SEMA3D: variants seen among roughly 807,000 people sequenced by gnomAD.
SEMA3D encodes the protein semaphorin 3D, also known as semaphorin-3D.
A neutral mutation model predicts 100.1 loss-of-function variants in SEMA3D; 84 were observed. That is an observed-to-expected ratio of 0.84 (90% CI 0.70 to 1.01). SEMA3D has a LOEUF of 1.01. SEMA3D is among the 50% of genes least tolerant of loss of function. The probability of loss-of-function intolerance (pLI) is 0.00; values close to 1 mark genes in which losing one functional copy is unlikely to be tolerated. For synonymous variants in SEMA3D, 312 were observed against 320.7 expected (o/e 0.97, Z 0.29); for missense variants, 875 against 934.1 (o/e 0.94, Z 0.82).
At chr7:85,060,356 C>T (rs534175327) in intron 8 of SEMA3D, among the ~76,000 whole-genome samples, 27 of 152,166 alleles carry the variant, frequency 1.8e-4, no homozygotes, top group Non-Finnish European at 3.1e-4. Context: ...TGTTGAGGTC[C>T]GGTCTTAGAA....
chr7:85,077,477 T>A (rs1485656344), intron 5 of SEMA3D, among the ~76,000 whole-genome samples: 1 of 151,824 alleles, frequency 6.6e-6, no homozygotes, highest in African/African-American at 2.4e-5. Flanking sequence ...AGTCTGTAAA[T>A]AATCAGCACG....
chr7:85,141,504 C>G lies in SEMA3D; in HGVS notation c.-41+12104G>C, dbSNP rs536691622. The G allele has an allele frequency of 2.6e-5, 26 of 985,018 alleles. No individual in the cohort carries two copies. The African/African-American group carries it at 4.4e-4, about 17-fold the overall frequency. The allele number at this position is 985,018 out of a possible 1,614,324, so 61.0% of individuals were successfully genotyped here. The stretch of plus-strand genomic sequence containing the variant: ...GACATGATGCATGTCCTCCCTAGCA[C>G]AGGATCACTGCCCTACATGAATGAC... On this transcript the variant is annotated intron_variant, in intron 2 of 18. Transcript: ENST00000284136.
chr7:85,123,986 A>AAGG (rs1337166925), intron 2 of SEMA3D, among the ~76,000 whole-genome samples: 1 of 152,044 alleles, frequency 6.6e-6, no homozygotes, highest in Non-Finnish European at 1.5e-5. Flanking sequence ...CCTTTATGAA[A>AAGG]ATTTTAGTTT....
intron 10 of SEMA3D, chr7:85,041,630 A>G (rs1348978651): frequency 6.6e-6 from 1 of 152,272 alleles, no homozygotes; most frequent in South Asian, 2.1e-4. Flanking sequence ...TAATGATGCT[A>G]ACATTATACA....
At chr7:85,027,077 C>A (rs1488479273) in intron 12 of SEMA3D, among the ~76,000 whole-genome samples, 1 of 151,956 alleles carries the variant, frequency 6.6e-6, no homozygotes, top group Non-Finnish European at 1.5e-5. Flanking sequence ...TTCTGTAAAG[C>A]AAAATCAGAA....
rs1477638278 is a variant in SEMA3D at position 84,999,573 on chromosome 7, A to G, written c.2201T>C (p.Met734Thr). Residue 734 changes from methionine to threonine, a missense_variant, in exon 19 of 19, where the codon ATG becomes ACG. Transcript: ENST00000284136. The stretch of plus-strand genomic sequence containing the variant: ...CTGTCTCCGCTTCTCCCTGTGCCAC[A>G]TCTGTTCGCAGTACTGGTCGAGGCT... ...NFSLDQYCEQ[M>T]WHREKRRQRN... is the part of the protein sequence containing the mutation. 5.0e-6 allele frequency: 8 copies of G among 1,614,044 alleles called. No individual in the cohort carries two copies. The South Asian group carries it at 6.6e-5, about 13-fold the overall frequency.
chr7:85,043,829 T>C (rs1562794893), intron 9 of SEMA3D, among the ~76,000 whole-genome samples: 1 of 152,148 alleles, frequency 6.6e-6, no homozygotes, highest in Non-Finnish European at 1.5e-5. Context: ...CCGCTATGAA[T>C]GTGAGGCCTC....
intron 1 of SEMA3D, among the ~76,000 whole-genome samples, chr7:85,175,260 A>T (rs1791194505): frequency 6.6e-6 from 1 of 152,204 alleles, no homozygotes; most frequent in Admixed American, 6.5e-5. Flanking sequence ...ATGAAAAGAC[A>T]CGTGATAGTG....
In SEMA3D at chr7:85,068,243, G is replaced by T. The variant is rs1451206903; in HGVS notation, c.537C>A (p.Gly179=). 7 of 1,607,426 alleles carry T rather than the reference G, an allele frequency of 4.4e-6. No homozygotes were observed. Among genetic ancestry groups the T allele is most frequent in the African/African-American group, 1.3e-5 (1 of 74,726 alleles). The change falls in exon 7 of 19, where the codon GGC becomes GGA. Residue 179 remains glycine, a synonymous_variant. Transcript: ENST00000284136. The part of the protein sequence containing the change: ...FKLDTHNLES[G]RLKCPFDPQQ... ...GAGGATCGAAAGGACATTTCAGTCT[G>T]CCAGACTCCAAATTATGTGTGTCTA...
chr7:85,140,891 T>C (rs1460105923), intron 2 of SEMA3D: 4 of 706,854 alleles, frequency 5.7e-6, no homozygotes, highest in Non-Finnish European at 6.9e-6. Context: ...CAAAACACCA[T>C]CTTCCTATCA....
At chr7:85,192,185 C>T in the SEMA3D span, among the ~76,000 whole-genome samples, 1 of 151,940 alleles carries the variant, frequency 6.6e-6, no homozygotes, top group East Asian at 1.9e-4. Flanking sequence ...AAATGCCCAA[C>T]ATGTTTTTCT....
intron 12 of SEMA3D, among the ~76,000 whole-genome samples, chr7:85,024,258 A>G (rs905011848): frequency 1.3e-5 from 2 of 151,970 alleles, no homozygotes; most frequent in African/African-American, 4.8e-5. Context: ...TATAATGCCT[A>G]TGGTTCAATC....
intron 11 of SEMA3D, among the ~76,000 whole-genome samples, chr7:85,038,991 T>C (rs926792147): frequency 6.6e-6 from 1 of 152,142 alleles, no homozygotes; most frequent in Non-Finnish European, 1.5e-5. Context: ...TAAAATAGAT[T>C]AAAAATTTAT....
At chr7:85,198,767 T>G in the SEMA3D span, among the ~76,000 whole-genome samples, 1 of 151,476 alleles carries the variant, frequency 6.6e-6, no homozygotes, top group South Asian at 2.1e-4. Flanking sequence ...TTAACTGGTT[T>G]AACTGTTTTT....
chr7:85,174,474 C>T (rs1791172733), intron 1 of SEMA3D, among the ~76,000 whole-genome samples: 1 of 152,124 alleles, frequency 6.6e-6, no homozygotes, highest in Admixed American at 6.6e-5. Flanking sequence ...GACAAAAAAA[C>T]AGAGGCATTA....
intron 3 of SEMA3D, among the ~76,000 whole-genome samples, chr7:85,105,847 TG>T (rs1243535477): frequency 1.3e-5 from 2 of 152,050 alleles, no homozygotes; most frequent in African/African-American, 2.4e-5. Context: ...TATTATGTCA[TG>T]GGGTCTGTGT....
chr7:85,178,616 G>A (rs988695883), intron 1 of SEMA3D, among the ~76,000 whole-genome samples: 3 of 152,122 alleles, frequency 2.0e-5, no homozygotes, highest in Non-Finnish European at 4.4e-5. Context: ...GGGCTCAAGA[G>A]TAAACAGAGC....
At chr7:85,209,480 G>A in the SEMA3D span, among the ~76,000 whole-genome samples, 1 of 151,784 alleles carries the variant, frequency 6.6e-6, no homozygotes, top group Non-Finnish European at 1.5e-5. Context: ...AGGACAGTGG[G>A]GACAGACTGA....
At chr7:85,157,544 T>G in intron 1 of SEMA3D, 1 of 373,928 alleles carries the variant, frequency 2.7e-6, no homozygotes, top group Non-Finnish European at 3.7e-6. Flanking sequence ...CTCTGATGTC[T>G]GAGCTTTTCG....
Sources: allele counts gnomAD v4.1 joint callset (sites outside exome capture counted in the v4.1 genomes callset), GRCh38; gene constraint gnomAD v4.1.1; transcripts MANE v1.5; gene names NCBI Gene and HGNC (gene_info 2026-07-23, HGNC 2026-07-21).